WNT2B: variants seen among roughly 807,000 people sequenced by gnomAD.
The protein encoded by WNT2B is protein Wnt-2b.
WNT2B carries 19 observed loss-of-function variants against 40.5 expected under a neutral mutation model. The ratio of observed to expected loss-of-function variants is 0.47; its 90% confidence interval spans 0.33 to 0.69. The LOEUF (loss-of-function observed/expected upper bound fraction) is 0.69, where lower values mean the gene tolerates loss of function less well. Among genes scored for constraint, WNT2B ranks in the 30% least tolerant of loss-of-function variants. The probability of loss-of-function intolerance (pLI) is 0.02; values close to 1 mark genes in which losing one functional copy is unlikely to be tolerated. For missense variants in WNT2B, 467 were observed against 556.4 expected (o/e 0.84, Z 1.62); for synonymous variants, 220 against 211.9 (o/e 1.04, Z -0.33).
intron 1 of WNT2B, among the ~76,000 whole-genome samples, chr1:112,475,911 G>T (rs1260992905): frequency 1.3e-5 from 2 of 152,062 alleles, no homozygotes; most frequent in East Asian, 3.8e-4. Flanking sequence ...AAAATATGCT[G>T]CCCACAAGAA....
chr1:112,501,249 C>A (rs187113769), intron 1 of WNT2B, among the ~76,000 whole-genome samples: 4 of 152,152 alleles, frequency 2.6e-5, no homozygotes. Context: ...CGCATCATAT[C>A]AAGAGTACAT....
In WNT2B at chr1:112,521,240, A is replaced by G. The variant is rs1652855294; in HGVS notation, c.*731A>G. ...GAATGCAGTGGTTCCCATGCTTAAC[A>G]AATCATTAAAACACCCTAGAACACT... On this transcript the variant is annotated 3_prime_UTR_variant, in exon 5 of 5. Coordinates refer to ENST00000369684, the MANE Select transcript of WNT2B (RefSeq NM_024494.3). The G allele has an allele frequency of 6.6e-6, 1 of 152,006 alleles. No homozygotes were observed. The highest frequency in any genetic ancestry group is 2.4e-5 in the African/African-American group (1 of 41,316). The allele number at this position is 152,006 out of a possible 1,614,324, so 9.4% of individuals were successfully genotyped here.
Position 112,517,252 on chromosome 1 carries a change from G to A in WNT2B, c.813G>A (p.Gly271=). 6.2e-7 allele frequency: 1 copy of A among 1,614,196 alleles called. No individual in the cohort carries two copies. The highest frequency in any genetic ancestry group is 8.5e-7 in the Non-Finnish European group (1 of 1,180,038). ...ATTACCTGCGGCGACGCTATGATGG[G>A]GCTGTGCAGGTGATGGCCACCCAAG... ...TGDYLRRRYD[G]AVQVMATQDG... is the part of the protein sequence containing the mutation. The change falls in exon 4 of 5, where the codon GGG becomes GGA. Residue 271 remains glycine (G), a synonymous_variant. Transcript: ENST00000369684.
intron 1 of WNT2B, among the ~76,000 whole-genome samples, chr1:112,494,257 C>T (rs1383468063): frequency 6.6e-6 from 1 of 151,308 alleles, no homozygotes; most frequent in Non-Finnish European, 1.5e-5. Context: ...TTGCAGTGAA[C>T]AGAGATCGTG....
rs937766059 is a variant in WNT2B, at chr1:112,522,700, T to A, written c.*2191T>A. ...GTGGGAGAGTTTAGGGTGGTTTTTC[T>A]TTTGGTGAGGGGATTTGCTCTGGTT... On this transcript the variant is annotated 3_prime_UTR_variant, in exon 5 of 5. Transcript: ENST00000369684. The A allele has an allele frequency of 2.6e-5, 4 of 152,318 alleles. No homozygotes were observed. The highest frequency in any genetic ancestry group is 2.6e-4 in the Admixed American group (4 of 15,282). 9.4% of individuals were successfully genotyped at this position (152,318 alleles called of 1,614,324 possible).
intron 1 of WNT2B, among the ~76,000 whole-genome samples, chr1:112,513,219 C>T (rs979922124): frequency 1.6e-4 from 24 of 152,290 alleles, no homozygotes; most frequent in East Asian, 1.5e-3. Flanking sequence ...CCAACTCCAA[C>T]GGTCTTGATT....
chr1:112,507,815 G>A (rs1305822911), upstream of WNT2B, among the ~76,000 whole-genome samples: 4 of 152,228 alleles, frequency 2.6e-5, no homozygotes. Context: ...CTGAAGAAGC[G>A]ACTGGAGCCA....
intron 1 of WNT2B, among the ~76,000 whole-genome samples, chr1:112,513,064 G>A (rs1311491051): frequency 6.6e-6 from 1 of 152,042 alleles, no homozygotes; most frequent in Non-Finnish European, 1.5e-5. Flanking sequence ...ACTGTCTCAC[G>A]AGGGCTGGGT....
intron 1 of WNT2B, among the ~76,000 whole-genome samples, chr1:112,499,643 A>G (rs1651886239): frequency 6.6e-6 from 1 of 152,244 alleles, no homozygotes; most frequent in Non-Finnish European, 1.5e-5. Context: ...AACTTCCTCA[A>G]TTTGATTAAA....
In WNT2B at chr1:112,520,392, C is replaced by G. The variant is rs141296639; in HGVS notation, c.1059C>G (p.Thr353=). The G allele has an allele frequency of 9.5e-4, 1,540 of 1,614,120 alleles. 2 individuals are homozygous for G. The highest frequency in any genetic ancestry group is 1.7e-3 in the Admixed American group (103 of 60,020). The change falls in exon 5 of 5, where the codon ACC becomes ACG. Residue 353 remains threonine (T), a synonymous_variant. Coordinates refer to ENST00000369684, the MANE Select transcript of WNT2B (RefSeq NM_024494.3). The part of the protein sequence containing the change: ...GYDTTRVTRV[T]QCECKFHWCC... Reference sequence around the variant, plus strand: ...ACACAACTCGAGTCACCCGTGTTACCCAGTGTGAGTGCAAATTCCACTGGT... The same window carrying G: ...ACACAACTCGAGTCACCCGTGTTACGCAGTGTGAGTGCAAATTCCACTGGT...
chr1:112,490,882 T>C, intron 1 of WNT2B: 1 of 891,294 alleles, frequency 1.1e-6, no homozygotes, highest in Non-Finnish European at 1.7e-6. Context: ...AATTTACCTC[T>C]TCCGGAAAGA....
Position 112,528,683 on chromosome 1 carries a change from G to A in WNT2B, c.*8174G>A, listed in dbSNP as rs1653860182. 6.6e-6 allele frequency: 1 copy of A among 152,172 alleles called. No homozygotes were observed. The highest frequency in any genetic ancestry group is 1.5e-5 in the Non-Finnish European group (1 of 68,026). 9.4% of individuals were successfully genotyped at this position (152,172 alleles called of 1,614,324 possible). A position where few individuals can be genotyped will look rare whatever the true frequency, so the allele number is the denominator to read the frequency against. On this transcript the variant is annotated 3_prime_UTR_variant, in exon 5 of 5. Transcript: ENST00000369684. ...AGCCAAACCCTTAAGAAATTAGAAT[G>A]TGAAAAGAAAATAATTTAAAATAGA...
chr1:112,517,522 AC>A, intron 4 of WNT2B, 137 bp downstream of exon 4: 1 of 1,156,230 alleles, frequency 8.6e-7, no homozygotes, highest in Non-Finnish European at 1.2e-6. Context: ...CCACATGAAC[AC>A]CTGGTCATGA....
intron 1 of WNT2B, among the ~76,000 whole-genome samples, chr1:112,485,478 G>C (rs1352945323): frequency 6.8e-6 from 1 of 146,018 alleles, no homozygotes; most frequent in Non-Finnish European, 1.5e-5. Flanking sequence ...AAAAAAAAAG[G>C]TTATGGTCAT....
intron 1 of WNT2B, among the ~76,000 whole-genome samples, chr1:112,486,465 A>G (rs1395186261): frequency 6.6e-6 from 1 of 152,122 alleles, no homozygotes; most frequent in East Asian, 1.9e-4. Flanking sequence ...AAACAAAAGA[A>G]CATACCAAAA....
chr1:112,470,309 C>T (rs750070739), intron 1 of WNT2B, among the ~76,000 whole-genome samples: 2 of 152,134 alleles, frequency 1.3e-5, no homozygotes, highest in East Asian at 1.9e-4. Context: ...CCACTCTCAG[C>T]GGGGTGCGAT....
chr1:112,484,280 T>TACAC (rs746364845), intron 1 of WNT2B, among the ~76,000 whole-genome samples: 301 of 129,022 alleles, frequency 2.3e-3, no homozygotes, highest in African/African-American at 8.3e-3. Context: ...CACATATATA[T>TACAC]ATATATATAT....
At position 112,509,049 on chromosome 1, in the gene WNT2B, G is replaced by A; in HGVS notation, c.-214G>A. ...TCAGGCAGCGCGCCCCAGACCCCGG[G>A]TTCGGCACGCCGTCGTCGGCTTCCG... On this transcript the variant is annotated 5_prime_UTR_variant, in exon 1 of 5. Transcript: ENST00000369684. The surrounding 1 kb of genome is among the most constrained non-coding windows in gnomAD (Gnocchi z 4.2). 1 of 1,356,036 alleles carries A rather than the reference G, an allele frequency of 7.4e-7. No individual in the cohort carries two copies. The highest frequency in any genetic ancestry group is 9.4e-7 in the Non-Finnish European group (1 of 1,063,850). 84.0% of individuals were successfully genotyped at this position (1,356,036 alleles called of 1,614,324 possible). A position where few individuals can be genotyped will look rare whatever the true frequency, so the allele number is the denominator to read the frequency against.
intron 1 of WNT2B, among the ~76,000 whole-genome samples, chr1:112,469,001 C>A (rs1415722550): frequency 6.6e-6 from 1 of 152,170 alleles, no homozygotes; most frequent in Non-Finnish European, 1.5e-5. Flanking sequence ...AGATAGGAAT[C>A]CAGTTGCATT....
Sources: allele counts gnomAD v4.1 joint callset (sites outside exome capture counted in the v4.1 genomes callset), GRCh38; gene constraint gnomAD v4.1.1; non-coding constraint Gnocchi (gnomAD v3.1); transcripts MANE v1.5; gene names NCBI Gene and HGNC (gene_info 2026-07-23, HGNC 2026-07-21).